LPP: variants seen among roughly 807,000 people sequenced by gnomAD.
LPP encodes the protein lipoma-preferred partner.
In LPP, 38 loss-of-function variants were observed where a neutral mutation model predicts 60.4. The observed-to-expected ratio is 0.63, with a 90% CI of 0.49 to 0.83. LPP has a LOEUF of 0.83. LPP is among the 40% of genes least tolerant of loss of function. LPP has a pLI of 0.00. For synonymous variants in LPP, 328 were observed against 290.8 expected (o/e 1.13, Z -1.30); for missense variants, 902 against 783.6 (o/e 1.15, Z -1.80).
At chr3:188,519,359 T>A (rs1183841709) in intron 5 of LPP, among the ~76,000 whole-genome samples, 1 of 152,242 alleles carries the variant, frequency 6.6e-6, no homozygotes, top group Non-Finnish European at 1.5e-5. Flanking sequence ...CCAGATTGGT[T>A]GGACTTTTTA....
chr3:188,727,618 A>G (rs1447852114), intron 8 of LPP, among the ~76,000 whole-genome samples: 1 of 152,222 alleles, frequency 6.6e-6, no homozygotes, highest in Admixed American at 6.5e-5. Flanking sequence ...AGACAGGGAC[A>G]CTTATTCATA....
intron 2 of LPP, among the ~76,000 whole-genome samples, chr3:188,238,317 T>C (rs983020014): frequency 1.3e-5 from 2 of 152,226 alleles, no homozygotes; most frequent in African/African-American, 4.8e-5. Flanking sequence ...ATAAGGTTGT[T>C]TCACTTTCTT....
At chr3:188,562,611 A>T (rs1485805997) in intron 6 of LPP, among the ~76,000 whole-genome samples, 1 of 152,032 alleles carries the variant, frequency 6.6e-6, no homozygotes. Flanking sequence ...AGCCTGCCAG[A>T]TGGATCTTCT....
intron 8 of LPP, chr3:188,725,250 G>A (rs1717942999): frequency 6.6e-6 from 1 of 152,220 alleles, no homozygotes; most frequent in South Asian, 2.1e-4. Flanking sequence ...TACCTCTCTG[G>A]TCACAGGTGG....
At chr3:188,602,142 C>CATATATATATAATATATATATT (rs1841349528) in intron 6 of LPP, among the ~76,000 whole-genome samples, 64 of 103,654 alleles carry the variant, frequency 6.2e-4, no homozygotes, top group African/African-American at 2.4e-3. Context: ...TTCTTAATCT[C>CATATATATATAATATATATATT]ATATATATAT....
At chr3:188,569,691 G>A (rs1196040275) in intron 6 of LPP, among the ~76,000 whole-genome samples, 3 of 151,852 alleles carry the variant, frequency 2.0e-5, no homozygotes, top group South Asian at 2.1e-4. Flanking sequence ...GTAACTCATC[G>A]AGGCACTAAG....
chr3:188,536,319 ATT>A (rs10603523), intron 6 of LPP, among the ~76,000 whole-genome samples: 72,100 of 150,442 alleles, frequency 0.48, 18,006 homozygotes, highest in East Asian at 0.92. Context: ...ATATTACAAG[ATT>A]TTTTTTTTTG....
chr3:188,230,791 A>C (rs1201405162), intron 2 of LPP, among the ~76,000 whole-genome samples: 1 of 151,960 alleles, frequency 6.6e-6, no homozygotes, highest in Non-Finnish European at 1.5e-5. Context: ...AAAAAAAAGA[A>C]AAAAAGCATT....
intron 6 of LPP, among the ~76,000 whole-genome samples, chr3:188,559,253 A>G (rs564879751): frequency 6.6e-6 from 1 of 152,242 alleles, no homozygotes; most frequent in South Asian, 2.1e-4. Flanking sequence ...CCATCGTGAC[A>G]ACAGGCACCA....
rs368619558 is a variant in LPP at position 188,441,604 on chromosome 3, CTTTTCTTTTTTTTTTTT to C, written c.193+35296_193+35312del. 1.8e-3 allele frequency among the ~76,000 whole-genome samples: 73 copies of C among 39,978 alleles called. 2 individuals are homozygous for C. The South Asian group carries it at 0.067, about 36-fold the overall frequency. 26.2% of individuals were successfully genotyped at this position (39,978 alleles called of 152,430 possible). A position where few individuals can be genotyped will look rare whatever the true frequency, so the allele number is the denominator to read the frequency against. On this transcript the variant is annotated intron_variant, in intron 4 of 11. Transcript: ENST00000617246. ...TCATTACAGTTTCTTTTTTTCTTTT[CTTTTCTTTTTTTTTTTT>C]TTTTTTTTTTTTTTTTTGAGATGGA...
rs369597177 is a variant in LPP, at chr3:188,621,653, C to CATTTT, written c.1113+11830_1113+11834dup. Among the ~76,000 whole-genome samples the CATTTT allele has an allele frequency of 4.2e-3, 645 of 152,022 alleles. 2 individuals carry two copies. The highest frequency in any genetic ancestry group is 0.014 in the African/African-American group (599 of 41,456). The stretch of plus-strand genomic sequence containing the variant: ...AATTAGTATTCATTTAGATGGACTC[C>CATTTT]ATTTTATTTTATTTTATTTTATTTT... On this transcript the variant is annotated intron_variant, in intron 7 of 11. Coordinates refer to ENST00000617246, the MANE Select transcript of LPP (RefSeq NM_001375462.1).
chr3:188,249,263 G>A (rs1728211739), intron 2 of LPP, among the ~76,000 whole-genome samples: 1 of 152,090 alleles, frequency 6.6e-6, no homozygotes, highest in Admixed American at 6.5e-5. Flanking sequence ...CTGGCATGGT[G>A]ACTCATGCCT....
At chr3:188,685,668 A>G (rs2149408823) in intron 7 of LPP, among the ~76,000 whole-genome samples, 1 of 152,284 alleles carries the variant, frequency 6.6e-6, no homozygotes, top group East Asian at 1.9e-4. Flanking sequence ...ACACCCTCAA[A>G]TGGATAAACC....
intron 9 of LPP, among the ~76,000 whole-genome samples, chr3:188,766,378 C>CAAAAAA (rs142374028): frequency 1.6e-5 from 2 of 124,670 alleles, no homozygotes; most frequent in Non-Finnish European, 1.7e-5. Flanking sequence ...CCTTAAAAAG[C>CAAAAAA]AAAAAAAAAA....
chr3:188,374,785 C>A (rs1025804331), intron 3 of LPP, among the ~76,000 whole-genome samples: 3 of 152,034 alleles, frequency 2.0e-5, no homozygotes, highest in African/African-American at 2.4e-5. Context: ...GTCTTGTGCC[C>A]ATTTTCAAAG....
chr3:188,607,651 G>T (rs77806810), intron 6 of LPP, among the ~76,000 whole-genome samples: 2 of 151,280 alleles, frequency 1.3e-5, no homozygotes. Flanking sequence ...TTTTGTTTTT[G>T]CAGGAATTTT....
chr3:188,836,218 C>G (rs1194427552), intron 9 of LPP, among the ~76,000 whole-genome samples: 1 of 152,208 alleles, frequency 6.6e-6, no homozygotes, highest in Non-Finnish European at 1.5e-5. Context: ...GCTATGGCTT[C>G]TCCACATCTT....
In LPP at chr3:188,638,032, G is replaced by C. The variant is rs577311106; in HGVS notation, c.1113+28188G>C. Among the ~76,000 whole-genome samples the C allele has an allele frequency of 2.2e-4, 31 of 139,712 alleles. No individual in the cohort carries two copies. In the East Asian group the frequency reaches 6.6e-3, roughly 30 times the overall value. The allele number at this position is 139,712 out of a possible 152,430, so 91.7% of individuals were successfully genotyped here. On this transcript the variant is annotated intron_variant, in intron 7 of 11. Transcript: ENST00000617246. ...CATTTTATGAGGCCAGCATCATCCTGATACCAAAGCCTGGCAGAGACACAA... is the reference window on the plus strand; with the variant it reads ...CATTTTATGAGGCCAGCATCATCCTCATACCAAAGCCTGGCAGAGACACAA...
intron 9 of LPP, among the ~76,000 whole-genome samples, chr3:188,857,174 G>A (rs1394084530): frequency 2.0e-5 from 3 of 152,206 alleles, no homozygotes; most frequent in Non-Finnish European, 4.4e-5. Flanking sequence ...CAGTGTCCTA[G>A]TATGTGAGGT....
Sources: allele counts gnomAD v4.1 joint callset (sites outside exome capture counted in the v4.1 genomes callset), GRCh38; gene constraint gnomAD v4.1.1; transcripts MANE v1.5; gene names NCBI Gene and HGNC (gene_info 2026-07-23, HGNC 2026-07-21).